Variants in LRP1B observed in about 807,000 individuals in gnomAD.
LRP1B encodes LDL receptor related protein 1B, also known as low-density lipoprotein receptor-related protein 1B.
LRP1B carries 217 observed loss-of-function variants against 556.6 expected under a neutral mutation model. That is an observed-to-expected ratio of 0.39 (90% CI 0.35 to 0.44). The LOEUF (loss-of-function observed/expected upper bound fraction) is 0.44, where lower values mean the gene tolerates loss of function less well. Ranked by LOEUF, LRP1B falls within the 20% of genes least tolerant of loss-of-function variation. The pLI is 1.00. For missense variants in LRP1B, 5,053 were observed against 5,620.8 expected (o/e 0.90, Z 3.23); for synonymous variants, 2,047 against 1,865.8 (o/e 1.10, Z -2.50).
chr2:141,649,533 C>T (rs778291863), intron 2 of LRP1B, among the ~76,000 whole-genome samples: 1 of 152,096 alleles, frequency 6.6e-6, no homozygotes, highest in Non-Finnish European at 1.5e-5. Flanking sequence ...TTGAAAAATG[C>T]TCAAGATGTC....
chr2:141,877,582 G>A (rs1698812900), intron 1 of LRP1B, among the ~76,000 whole-genome samples: 1 of 151,932 alleles, frequency 6.6e-6, no homozygotes. Context: ...ACTATGTGGA[G>A]CATATCTACC....
At chr2:140,965,114 C>A (rs1222358278) in intron 18 of LRP1B, among the ~76,000 whole-genome samples, 1 of 152,152 alleles carries the variant, frequency 6.6e-6, no homozygotes, top group African/African-American at 2.4e-5. Flanking sequence ...CCTGAGCCTC[C>A]ATTATAATTT....
intron 32 of LRP1B, among the ~76,000 whole-genome samples, chr2:140,808,682 T>C (rs1283609114): frequency 6.6e-6 from 1 of 152,192 alleles, no homozygotes; most frequent in Non-Finnish European, 1.5e-5. Flanking sequence ...AGCTGGCACA[T>C]AGTGAGCACT....
intron 83 of LRP1B, among the ~76,000 whole-genome samples, chr2:140,298,242 G>A (rs1683685252): frequency 6.6e-6 from 1 of 152,016 alleles, no homozygotes; most frequent in African/African-American, 2.4e-5. Context: ...TGCATATATT[G>A]TTTGCTTAAA....
At chr2:141,419,494 T>C (rs921237380) in intron 3 of LRP1B, among the ~76,000 whole-genome samples, 1 of 152,186 alleles carries the variant, frequency 6.6e-6, no homozygotes, top group Non-Finnish European at 1.5e-5. Flanking sequence ...TTCTTCTCAA[T>C]TCAATCTTGG....
chr2:140,329,515 G>T (rs941446612), intron 79 of LRP1B, among the ~76,000 whole-genome samples: 6 of 151,958 alleles, frequency 3.9e-5, no homozygotes, highest in Non-Finnish European at 8.8e-5. Flanking sequence ...CAGCTCAAAA[G>T]CTTCTTAAGT....
Position 140,601,636 on chromosome 2 carries a change from A to G in LRP1B, c.6803T>C (p.Val2268Ala). 1 of 1,573,134 alleles carries G rather than the reference A, an allele frequency of 6.4e-7. No individual in the cohort carries two copies. Among genetic ancestry groups the G allele is most frequent in the Non-Finnish European group, 8.6e-7 (1 of 1,156,280 alleles). ...WEDRQVIVENVGSVEGLAYHR... is the reference protein window; with the variant it reads ...WEDRQVIVENAGSVEGLAYHR... ...ATAGGCAAGTCCTTCCACAGAACCC[A>G]CATCTAGTGGGGGAAGAAAAAGAAA... The change falls in exon 42 of 91, where the codon GTG (valine) becomes GCG (alanine). Residue 2268 changes from valine to alanine, a missense_variant. Transcript: ENST00000389484.
intron 1 of LRP1B, among the ~76,000 whole-genome samples, chr2:141,886,325 C>T (rs1286155520): frequency 4.6e-5 from 7 of 152,040 alleles, no homozygotes; most frequent in African/African-American, 7.2e-5. Context: ...AACATGTTAA[C>T]GGCCTACAAA....
At chr2:141,298,608 C>A (rs899095136) in intron 3 of LRP1B, among the ~76,000 whole-genome samples, 2 of 152,084 alleles carry the variant, frequency 1.3e-5, no homozygotes, top group South Asian at 4.1e-4. Flanking sequence ...CCCAGACATT[C>A]CTGTGCATCT....
intron 2 of LRP1B, among the ~76,000 whole-genome samples, chr2:141,728,896 T>A (rs182707311): frequency 6.6e-6 from 1 of 152,286 alleles, no homozygotes; most frequent in East Asian, 1.9e-4. Context: ...CTTTAAGAAA[T>A]CAGTTCTCTT....
At chr2:141,232,557 G>C (rs997693844) in intron 5 of LRP1B, among the ~76,000 whole-genome samples, 1 of 152,170 alleles carries the variant, frequency 6.6e-6, no homozygotes, top group African/African-American at 2.4e-5. Context: ...ATGCAAATGG[G>C]TTCATGGTTA....
intron 7 of LRP1B, among the ~76,000 whole-genome samples, chr2:141,069,995 T>C (rs1699591864): frequency 1.6e-5 from 2 of 122,282 alleles, no homozygotes; most frequent in Non-Finnish European, 1.6e-5. Flanking sequence ...GATGTTCCCC[T>C]TCCTGTGTCC....
At chr2:141,625,109 T>A (rs1574157014) in intron 2 of LRP1B, among the ~76,000 whole-genome samples, 1 of 152,164 alleles carries the variant, frequency 6.6e-6, no homozygotes, top group Admixed American at 6.5e-5. Flanking sequence ...CTCCTCCTAG[T>A]AGCAAATTTA....
At chr2:140,359,521 GC>G (rs1682408191) in intron 72 of LRP1B, among the ~76,000 whole-genome samples, 1 of 151,566 alleles carries the variant, frequency 6.6e-6, no homozygotes, top group African/African-American at 2.4e-5. Flanking sequence ...CACAATGAAA[GC>G]CAGGGAATTT....
At chr2:142,108,341 T>G (rs1706831407) in intron 1 of LRP1B, among the ~76,000 whole-genome samples, 1 of 152,130 alleles carries the variant, frequency 6.6e-6, no homozygotes, top group African/African-American at 2.4e-5. Flanking sequence ...ATCCAAAATT[T>G]AAAATTAGCT....
intron 2 of LRP1B, among the ~76,000 whole-genome samples, chr2:141,536,425 T>C (rs1685070845): frequency 1.3e-5 from 2 of 152,066 alleles, no homozygotes. Flanking sequence ...ATGATGAAAT[T>C]ATTTTAAAAT....
intron 2 of LRP1B, among the ~76,000 whole-genome samples, chr2:141,740,047 G>T (rs1693638660): frequency 6.6e-6 from 1 of 151,970 alleles, no homozygotes; most frequent in Non-Finnish European, 1.5e-5. Flanking sequence ...TTAATAAGAG[G>T]TTTGCGAATC....
intron 3 of LRP1B, among the ~76,000 whole-genome samples, chr2:141,474,738 A>C (rs541638397): frequency 1.3e-5 from 2 of 152,244 alleles, no homozygotes; most frequent in African/African-American, 4.8e-5. Context: ...TCATATACTA[A>C]TAATCATACA....
At chr2:142,073,726 G>T (rs1705402654) in intron 1 of LRP1B, among the ~76,000 whole-genome samples, 1 of 152,002 alleles carries the variant, frequency 6.6e-6, no homozygotes, top group Non-Finnish European at 1.5e-5. Flanking sequence ...GAGGCCTGGT[G>T]GGAGGTGATT....
Sources: allele counts gnomAD v4.1 joint callset (sites outside exome capture counted in the v4.1 genomes callset), GRCh38; gene constraint gnomAD v4.1.1; transcripts MANE v1.5; gene names NCBI Gene and HGNC (gene_info 2026-07-23, HGNC 2026-07-21).